UGT2B7: variants seen among roughly 807,000 people sequenced by gnomAD.
UGT2B7 encodes the protein UDP glucuronosyltransferase family 2 member B7.
Under a neutral mutation model 51.9 loss-of-function variants are expected in UGT2B7, and 51 were observed. That is an observed-to-expected ratio of 0.98 (90% CI 0.78 to 1.24). UGT2B7 has a LOEUF of 1.24. Among genes scored for constraint, UGT2B7 ranks in the 50% most tolerant of loss-of-function variants. The pLI, the probability that UGT2B7 is intolerant of heterozygous loss-of-function variation, is 0.00. For missense variants in UGT2B7, 727 were observed against 628.4 expected (o/e 1.16, Z -1.68); for synonymous variants, 225 against 211.6 (o/e 1.06, Z -0.55).
At chr4:69,053,929 A>C (rs1679281954) in intron 1 of UGT2B7, among the ~76,000 whole-genome samples, 1 of 152,164 alleles carries the variant, frequency 6.6e-6, no homozygotes, top group African/African-American at 2.4e-5. Context: ...GAAAATAATA[A>C]GATATCATAA....
At chr4:69,098,718 T>C (rs1719327454) in intron 2 of UGT2B7, 30 bp downstream of exon 2, 4 of 1,601,426 alleles carry the variant, frequency 2.5e-6, no homozygotes, top group Non-Finnish European at 3.4e-6. Context: ...TTTTATTTTG[T>C]TGGCTTTGAA....
In UGT2B7 at chr4:69,096,786, T is replaced by G. The variant is rs747219760; in HGVS notation, c.266T>G (p.Phe89Cys). ...TSLTKTELEN[F>C]IMQQIKRWSD... ...TTAACTAAAACTGAGTTGGAGAATT[T>G]CATCATGCAACAGATTAAGAGATGG... Residue 89 changes from phenylalanine to cysteine, a missense_variant, in exon 1 of 6, where the codon TTC becomes TGC. Transcript: ENST00000305231. The G allele has an allele frequency of 6.2e-7, 1 of 1,614,022 alleles. No individual in the cohort carries two copies. The highest frequency in any genetic ancestry group is 1.7e-5 in the Admixed American group (1 of 59,986).
chr4:69,078,727 A>G (rs1718771097), intron 1 of UGT2B7, among the ~76,000 whole-genome samples: 1 of 152,120 alleles, frequency 6.6e-6, no homozygotes, highest in South Asian at 2.1e-4. Flanking sequence ...TGCTTCCTGA[A>G]GTTCAGATGA....
At chr4:69,052,130 A>G (rs1214747766) in intron 1 of UGT2B7, among the ~76,000 whole-genome samples, 1 of 152,132 alleles carries the variant, frequency 6.6e-6, no homozygotes, top group Non-Finnish European at 1.5e-5. Context: ...TAGACTGGCC[A>G]GCATTAGAGG....
Position 69,096,892 on chromosome 4 carries a change from A to T in UGT2B7, c.372A>T (p.Arg124Ser), listed in dbSNP as rs28365063. The change falls in exon 1 of 6, where the codon AGA (arginine) becomes AGT (serine). Residue 124 changes from arginine to serine, a missense_variant. By Grantham distance (110) the Arg-to-Ser change is moderately radical. Coordinates refer to ENST00000305231, the MANE Select transcript of UGT2B7 (RefSeq NM_001074.4). ...TGTCAATATTTGGTGACATAACTAG[A>T]AAGTTCTGTAAAGATGTAGTTTCAA... ...EIMSIFGDIT[R>S]KFCKDVVSNK... 2 of 1,612,282 alleles carry T rather than the reference A, an allele frequency of 1.2e-6. No homozygotes were observed. Among genetic ancestry groups the T allele is most frequent in the Non-Finnish European group, 1.7e-6 (2 of 1,179,502 alleles).
chr4:69,065,224 G>A (rs1718459668), intron 1 of UGT2B7, among the ~76,000 whole-genome samples: 1 of 152,092 alleles, frequency 6.6e-6, no homozygotes, highest in Non-Finnish European at 1.5e-5. Flanking sequence ...AAAAAAGGAA[G>A]CCCAAACTCA....
intron 5 of UGT2B7, among the ~76,000 whole-genome samples, chr4:69,110,917 A>G (rs1190458481): frequency 3.9e-5 from 6 of 152,180 alleles, no homozygotes; most frequent in Non-Finnish European, 5.9e-5. Flanking sequence ...ATTTTATGAG[A>G]TATATAATGC....
At chr4:69,071,136 C>T (rs1229015312) in intron 1 of UGT2B7, among the ~76,000 whole-genome samples, 1 of 151,952 alleles carries the variant, frequency 6.6e-6, no homozygotes, top group Admixed American at 6.6e-5. Flanking sequence ...AGGCTAGTTC[C>T]CTCTAGTTAG....
At chr4:69,053,904 A>G (rs1158624142) in intron 1 of UGT2B7, among the ~76,000 whole-genome samples, 6 of 152,112 alleles carry the variant, frequency 3.9e-5, no homozygotes, top group Non-Finnish European at 8.8e-5. Context: ...CATTTCATCA[A>G]CCAGAGGAAG....
intron 4 of UGT2B7, among the ~76,000 whole-genome samples, chr4:69,107,535 C>G (rs565048565): frequency 2.0e-5 from 3 of 152,182 alleles, no homozygotes; most frequent in East Asian, 1.9e-4. Context: ...CCTGGGCTGT[C>G]TCTCTGTCTC....
chr4:69,067,828 G>A (rs1718514512), intron 1 of UGT2B7, among the ~76,000 whole-genome samples: 1 of 152,090 alleles, frequency 6.6e-6, no homozygotes. Context: ...TTTTAGGATA[G>A]TGCATAAGTT....
chr4:69,064,972 C>T (rs748869966), intron 1 of UGT2B7, among the ~76,000 whole-genome samples: 1 of 152,064 alleles, frequency 6.6e-6, no homozygotes, highest in Non-Finnish European at 1.5e-5. Flanking sequence ...ACAGATATCA[C>T]CAAATTCTGC....
At chr4:69,103,968 G>C (rs745736471) in intron 3 of UGT2B7, among the ~76,000 whole-genome samples, 7 of 152,104 alleles carry the variant, frequency 4.6e-5, no homozygotes, top group Non-Finnish European at 8.8e-5. Context: ...GGACTAAGGA[G>C]AATGAATTCC....
At chr4:69,083,343 T>G (rs1718878034) in intron 1 of UGT2B7, among the ~76,000 whole-genome samples, 1 of 152,106 alleles carries the variant, frequency 6.6e-6, no homozygotes, top group Admixed American at 6.6e-5. Flanking sequence ...TGTCTTAGAT[T>G]GTGATTTCTG....
chr4:69,112,796 G>A lies in UGT2B7; in HGVS notation c.*60G>A. The A allele has an allele frequency of 2.7e-6, 4 of 1,484,332 alleles. No individual in the cohort carries two copies. The highest frequency in any genetic ancestry group is 1.8e-6 in the Non-Finnish European group (2 of 1,114,586). The allele number at this position is 1,484,332 out of a possible 1,614,324, so 91.9% of individuals were successfully genotyped here. ...GGTGAGACTACTTCAGTTTATTCCAGCAAGAAAGATTGTGATGCAAGATTT... is the reference window on the plus strand; with the variant it reads ...GGTGAGACTACTTCAGTTTATTCCAACAAGAAAGATTGTGATGCAAGATTT... On this transcript the variant is annotated 3_prime_UTR_variant, in exon 6 of 6. Transcript: ENST00000305231.
At chr4:69,065,890 T>G (rs368049679) in intron 1 of UGT2B7, among the ~76,000 whole-genome samples, 1 of 152,322 alleles carries the variant, frequency 6.6e-6, no homozygotes, top group East Asian at 1.9e-4. Flanking sequence ...TATGTCTGCC[T>G]AACAATTACT....
chr4:69,053,638 C>T (rs993137064), intron 1 of UGT2B7, among the ~76,000 whole-genome samples: 2 of 152,152 alleles, frequency 1.3e-5, no homozygotes, highest in Non-Finnish European at 2.9e-5. Context: ...GGTCAGCCTC[C>T]GAGGGCCATC....
intron 1 of UGT2B7, among the ~76,000 whole-genome samples, chr4:69,057,546 T>C (rs1318495305): frequency 3.3e-5 from 5 of 152,170 alleles, no homozygotes; most frequent in Non-Finnish European, 4.4e-5. Context: ...TCCATAAGAA[T>C]TAAAATCAGG....
At chr4:69,101,300 T>C (rs1270413050) in intron 2 of UGT2B7, among the ~76,000 whole-genome samples, 1 of 152,060 alleles carries the variant, frequency 6.6e-6, no homozygotes, top group Non-Finnish European at 1.5e-5. Context: ...ATATTTTACA[T>C]AAATAATATC....
Sources: gnomAD v4.1 joint callset for allele counts (sites outside exome capture counted in the v4.1 genomes callset) on GRCh38, gnomAD v4.1.1 for gene constraint, MANE v1.5 for transcripts, NCBI Gene and HGNC (gene_info 2026-07-23, HGNC 2026-07-21) for gene names.